ANO3: variants seen among roughly 807,000 people sequenced by gnomAD.
The protein encoded by ANO3 is anoctamin-3.
Under a neutral mutation model 144.8 loss-of-function variants are expected in ANO3, and 99 were observed. The observed-to-expected ratio is 0.68, with a 90% confidence interval of 0.58 to 0.81. The LOEUF (loss-of-function observed/expected upper bound fraction) is 0.81, where lower values mean the gene tolerates loss of function less well. ANO3 is among the 30% of genes least tolerant of loss of function. The probability of loss-of-function intolerance (pLI) is 0.00; values close to 1 mark genes in which losing one functional copy is unlikely to be tolerated. For synonymous variants in ANO3, 414 were observed against 392.6 expected, an observed-to-expected ratio of 1.05 and a Z score of -0.64; for missense variants, 905 against 1,202.2, an observed-to-expected ratio of 0.75 and a Z score of 3.66.
chr11:26,355,841 T>A (rs1372798112), intron 1 of ANO3, among the ~76,000 whole-genome samples: 1 of 152,178 alleles, frequency 6.6e-6, no homozygotes, highest in South Asian at 2.1e-4. Context: ...ATTACAGGCG[T>A]GAGCCACCGT....
intron 4 of ANO3, among the ~76,000 whole-genome samples, chr11:26,500,902 C>T (rs1178932970): frequency 1.3e-5 from 2 of 151,980 alleles, no homozygotes; most frequent in Non-Finnish European, 2.9e-5. Flanking sequence ...TAATTACATA[C>T]CAAGGGCTTT....
intron 1 of ANO3, among the ~76,000 whole-genome samples, chr11:26,241,491 A>T (rs1334501015): frequency 1.3e-5 from 2 of 152,128 alleles, no homozygotes; most frequent in East Asian, 1.9e-4. Flanking sequence ...AGCAACATAT[A>T]CTTTATACCA....
At chr11:26,497,512 T>C (rs1313518462) in intron 4 of ANO3, among the ~76,000 whole-genome samples, 2 of 152,110 alleles carry the variant, frequency 1.3e-5, no homozygotes, top group Non-Finnish European at 2.9e-5. Context: ...TAAAAAGTTT[T>C]TCTTTGTGTA....
At chr11:26,214,581 T>C (rs910717005) in intron 1 of ANO3, among the ~76,000 whole-genome samples, 2 of 151,960 alleles carry the variant, frequency 1.3e-5, no homozygotes, top group African/African-American at 4.8e-5. Context: ...TCCTTCTCCA[T>C]CTCAATGTAG....
chr11:26,416,044 G>A (rs2133991760), intron 1 of ANO3, among the ~76,000 whole-genome samples: 1 of 152,054 alleles, frequency 6.6e-6, no homozygotes, highest in Non-Finnish European at 1.5e-5. Flanking sequence ...TTAGTCATTA[G>A]CAATTGTTTT....
At chr11:26,505,655 T>C (rs924859878) in intron 4 of ANO3, among the ~76,000 whole-genome samples, 7 of 152,078 alleles carry the variant, frequency 4.6e-5, no homozygotes, top group African/African-American at 1.7e-4. Context: ...GTGAGAGTGA[T>C]TCCACTGCAG....
At chr11:26,477,982 A>G (rs1189854465) in intron 4 of ANO3, among the ~76,000 whole-genome samples, 1 of 152,184 alleles carries the variant, frequency 6.6e-6, no homozygotes, top group African/African-American at 2.4e-5. Flanking sequence ...ATTTGGTTGG[A>G]GGTAAGTAAC....
At chr11:26,549,909 G>A (rs538622742) in intron 12 of ANO3, among the ~76,000 whole-genome samples, 124 of 151,846 alleles carry the variant, frequency 8.2e-4, no homozygotes, top group Middle Eastern at 3.4e-3. Context: ...TTTAAAAGTC[G>A]TTTCTTAGAG....
intron 1 of ANO3, among the ~76,000 whole-genome samples, chr11:26,318,953 T>A (rs963478667): frequency 5.3e-5 from 8 of 152,094 alleles, no homozygotes; most frequent in Non-Finnish European, 1.0e-4. Context: ...TTCTTTTGAA[T>A]ATATAGTTGT....
chr11:26,312,413 T>G (rs1854520874), intron 1 of ANO3, among the ~76,000 whole-genome samples: 1 of 152,218 alleles, frequency 6.6e-6, no homozygotes, highest in Non-Finnish European at 1.5e-5. Context: ...CCTTGAGGAA[T>G]TGCCACATTG....
intron 14 of ANO3, among the ~76,000 whole-genome samples, chr11:26,563,970 T>C (rs1444481848): frequency 6.6e-6 from 1 of 151,872 alleles, no homozygotes; most frequent in African/African-American, 2.4e-5. Context: ...TCTTTTTTTC[T>C]TCTCTTTTTT....
intron 4 of ANO3, among the ~76,000 whole-genome samples, chr11:26,504,165 G>T (rs1428209237): frequency 2.0e-5 from 3 of 152,178 alleles, no homozygotes; most frequent in Non-Finnish European, 4.4e-5. Flanking sequence ...AAGCCAAATT[G>T]TAACTAATTG....
At chr11:26,586,794 C>T (rs1429025945) in intron 14 of ANO3, among the ~76,000 whole-genome samples, 1 of 141,916 alleles carries the variant, frequency 7.0e-6, no homozygotes, top group East Asian at 2.0e-4. Context: ...AGCCACCACG[C>T]CCGGCCTCTA....
intron 4 of ANO3, among the ~76,000 whole-genome samples, chr11:26,471,068 A>T (rs1859764674): frequency 6.6e-6 from 1 of 151,954 alleles, no homozygotes; most frequent in South Asian, 2.1e-4. Flanking sequence ...ACATTATCTA[A>T]TTTAAGTTTC....
intron 1 of ANO3, among the ~76,000 whole-genome samples, chr11:26,270,822 T>C (rs1853422684): frequency 6.6e-6 from 1 of 152,148 alleles, no homozygotes; most frequent in Non-Finnish European, 1.5e-5. Flanking sequence ...TTTGTAAACA[T>C]AGGGAGCATA....
chr11:26,231,865 G>C (rs1238012926), intron 1 of ANO3, among the ~76,000 whole-genome samples: 1 of 152,116 alleles, frequency 6.6e-6, no homozygotes, highest in Non-Finnish European at 1.5e-5. Context: ...ACAGTCCTTA[G>C]TTTAAAGTGT....
intron 1 of ANO3, among the ~76,000 whole-genome samples, chr11:26,322,308 C>A (rs755445774): frequency 6.6e-6 from 1 of 152,046 alleles, no homozygotes; most frequent in South Asian, 2.1e-4. Flanking sequence ...GCACAATTTC[C>A]TTTATTATTA....
chr11:26,582,721 A>AG (rs1352158917), intron 14 of ANO3, among the ~76,000 whole-genome samples: 3 of 152,124 alleles, frequency 2.0e-5, no homozygotes, highest in African/African-American at 7.2e-5. Context: ...TTTCTTCTTT[A>AG]TACTTTTAAT....
chr11:26,199,614 G>A (rs1443713173), intron 1 of ANO3, among the ~76,000 whole-genome samples: 2 of 152,276 alleles, frequency 1.3e-5, no homozygotes, highest in African/African-American at 2.4e-5. Context: ...ACTGGCTATG[G>A]AAGTTGTTGA....
Sources: allele counts gnomAD v4.1 joint callset (sites outside exome capture counted in the v4.1 genomes callset), GRCh38; gene constraint gnomAD v4.1.1; transcripts MANE v1.5; gene names NCBI Gene and HGNC (gene_info 2026-07-23, HGNC 2026-07-21).